The following PALLD variants were observed in gnomAD, a reference collection of about 807,000 sequenced individuals.
The protein encoded by PALLD is palladin, cytoskeletal associated protein.
In PALLD, 61 loss-of-function variants were observed where a neutral mutation model predicts 123.5. That is an observed-to-expected ratio of 0.49 (90% CI 0.40 to 0.61). The LOEUF (loss-of-function observed/expected upper bound fraction) is 0.61. PALLD is among the 20% of genes least tolerant of loss of function. PALLD has a pLI of 0.00. For missense variants in PALLD, 1,273 were observed against 1,377.0 expected (o/e 0.92, Z 1.20); for synonymous variants, 465 against 496.4 (o/e 0.94, Z 0.84).
intron 14 of PALLD, among the ~76,000 whole-genome samples, chr4:168,902,476 C>A (rs747859590): frequency 6.6e-6 from 1 of 152,102 alleles, no homozygotes; most frequent in East Asian, 1.9e-4. Flanking sequence ...TAACTTAAAT[C>A]GAAAATAATA....
intron 2 of PALLD, among the ~76,000 whole-genome samples, chr4:168,618,257 T>A (rs1050323372): frequency 1.3e-5 from 2 of 151,968 alleles, no homozygotes; most frequent in Non-Finnish European, 2.9e-5. Context: ...GAAATAACAA[T>A]GTAGTTATAT....
At chr4:168,839,430 C>T (rs1745693418) in intron 10 of PALLD, among the ~76,000 whole-genome samples, 1 of 152,000 alleles carries the variant, frequency 6.6e-6, no homozygotes, top group South Asian at 2.1e-4. Flanking sequence ...CAATGGGAAA[C>T]GGGAAAGCTA....
intron 2 of PALLD, among the ~76,000 whole-genome samples, chr4:168,652,783 C>G (rs1346096447): frequency 6.6e-6 from 1 of 152,204 alleles, no homozygotes; most frequent in Non-Finnish European, 1.5e-5. Flanking sequence ...TGTGTGTGTG[C>G]TGAATCTAAG....
chr4:168,827,900 G>C (rs976420642), intron 10 of PALLD, among the ~76,000 whole-genome samples: 3 of 152,298 alleles, frequency 2.0e-5, no homozygotes, highest in Non-Finnish European at 2.9e-5. Flanking sequence ...AATTAGCTGG[G>C]TGTGATGGTG....
At chr4:168,819,290 A>G (rs1054763023) in intron 10 of PALLD, among the ~76,000 whole-genome samples, 3 of 151,952 alleles carry the variant, frequency 2.0e-5, no homozygotes, top group Non-Finnish European at 4.4e-5. Flanking sequence ...AAAAACAATC[A>G]CCCACAAAAA....
At chr4:168,788,351 T>G (rs546516775) in intron 10 of PALLD, among the ~76,000 whole-genome samples, 1,255 of 100,534 alleles carry the variant, frequency 0.012, 12 homozygotes, top group African/African-American at 0.04. Context: ...TATATATATA[T>G]TTTTAATGTG....
Position 168,921,749 on chromosome 4 carries a change from C to A in PALLD, c.3058+8C>A. The A allele has an allele frequency of 1.9e-6, 3 of 1,602,984 alleles. No homozygotes were observed. Among genetic ancestry groups the A allele is most frequent in the Non-Finnish European group, 2.6e-6 (3 of 1,171,942 alleles). On this transcript the variant is annotated splice_region_variant and intron_variant, in intron 18 of 21. Coordinates refer to ENST00000505667, the MANE Select transcript of PALLD (RefSeq NM_001166108.2). ...TGGAGCTTGTGGTTGCTGGTAGGCT[C>A]ATCTGTGAATCCTTGCTCTCTGACA...
chr4:168,543,804 G>A (rs1280562504), intron 2 of PALLD, among the ~76,000 whole-genome samples: 1 of 152,016 alleles, frequency 6.6e-6, no homozygotes, highest in African/African-American at 2.4e-5. Context: ...CATTGCTAAA[G>A]TCTTACAAAA....
At chr4:168,802,359 A>T (rs1739467966) in intron 10 of PALLD, among the ~76,000 whole-genome samples, 1 of 152,226 alleles carries the variant, frequency 6.6e-6, no homozygotes, top group South Asian at 2.1e-4. Flanking sequence ...TTGGATAAAG[A>T]AAATGTGGTA....
At chr4:168,585,028 T>A (rs889540968) in intron 2 of PALLD, among the ~76,000 whole-genome samples, 2 of 152,200 alleles carry the variant, frequency 1.3e-5, no homozygotes, top group Admixed American at 1.3e-4. Context: ...TTATTTATGA[T>A]AAAAATTTGA....
At chr4:168,916,722 C>A (rs1283474671) in intron 17 of PALLD, among the ~76,000 whole-genome samples, 11 of 145,222 alleles carry the variant, frequency 7.6e-5, no homozygotes, top group African/African-American at 2.8e-4. Context: ...CACTCTGTCA[C>A]CAGGCTGGAG....
At chr4:168,769,566 G>T (rs1190533826) in intron 10 of PALLD, among the ~76,000 whole-genome samples, 2 of 152,180 alleles carry the variant, frequency 1.3e-5, no homozygotes, top group Non-Finnish European at 2.9e-5. Context: ...ATTCTTCTCT[G>T]CTCTATCATG....
intron 10 of PALLD, among the ~76,000 whole-genome samples, chr4:168,790,569 G>T (rs192490705): frequency 6.6e-6 from 1 of 152,144 alleles, no homozygotes. Context: ...ACCAATCTAT[G>T]CTTTCTCACT....
At chr4:168,571,021 T>C (rs1271385528) in intron 2 of PALLD, among the ~76,000 whole-genome samples, 1 of 152,228 alleles carries the variant, frequency 6.6e-6, no homozygotes, top group African/African-American at 2.4e-5. Context: ...TTTTATTCTC[T>C]GGAGCTTATT....
intron 10 of PALLD, among the ~76,000 whole-genome samples, chr4:168,791,817 G>A (rs775930219): frequency 3.3e-5 from 5 of 152,062 alleles, no homozygotes; most frequent in Non-Finnish European, 5.9e-5. Context: ...GGAGGTTGGG[G>A]GAAGGATACT....
chr4:168,659,323 A>G (rs939733133), intron 2 of PALLD, among the ~76,000 whole-genome samples: 1 of 152,250 alleles, frequency 6.6e-6, no homozygotes, highest in Middle Eastern at 3.4e-3. Context: ...GTTTTTTCCT[A>G]CCCTTTATTT....
At chr4:168,793,148 T>C (rs1353318773) in intron 10 of PALLD, among the ~76,000 whole-genome samples, 3 of 100,208 alleles carry the variant, frequency 3.0e-5, no homozygotes, top group East Asian at 4.5e-4. Context: ...CATATATATG[T>C]GTGCATATAT....
At chr4:168,702,990 G>C (rs1028837802) in intron 8 of PALLD, among the ~76,000 whole-genome samples, 12 of 143,586 alleles carry the variant, frequency 8.4e-5, no homozygotes, top group Admixed American at 7.6e-4. Flanking sequence ...CATGTGCCAT[G>C]CTGGTGCGCT....
At chr4:168,876,313 T>C (rs1191987318) in intron 10 of PALLD, among the ~76,000 whole-genome samples, 1 of 152,206 alleles carries the variant, frequency 6.6e-6, no homozygotes, top group Admixed American at 6.5e-5. Context: ...GCACATGTGC[T>C]GGACAGTCTA....
Sources: gnomAD v4.1 joint callset for allele counts (sites outside exome capture counted in the v4.1 genomes callset) on GRCh38, gnomAD v4.1.1 for gene constraint, MANE v1.5 for transcripts, NCBI Gene and HGNC (gene_info 2026-07-23, HGNC 2026-07-21) for gene names.